The following FREM1 variants were observed in gnomAD, a reference collection of about 807,000 sequenced individuals.
The protein encoded by FREM1 is FRAS1-related extracellular matrix protein 1.
FREM1 carries 220 observed loss-of-function variants against 210.1 expected under a neutral mutation model. The ratio of observed to expected loss-of-function variants is 1.05; its 90% CI spans 0.94 to 1.17. FREM1 has a LOEUF of 1.17. FREM1 is among the 50% of genes most tolerant of loss of function. The probability of loss-of-function intolerance (pLI) is 0.00; values close to 1 mark genes in which losing one functional copy is unlikely to be tolerated. For synonymous variants in FREM1, 1,189 were observed against 980.2 expected (o/e 1.21, Z -3.98); for missense variants, 3,454 against 2,675.5 (o/e 1.29, Z -6.42).
intron 10 of FREM1, among the ~76,000 whole-genome samples, chr9:14,838,396 A>C (rs1825015967): frequency 6.6e-6 from 1 of 152,220 alleles, no homozygotes; most frequent in African/African-American, 2.4e-5. Flanking sequence ...CAAATTGAGA[A>C]TGTAAACATC....
At chr9:14,820,345 C>T (rs902410732) in intron 13 of FREM1, among the ~76,000 whole-genome samples, 8 of 152,138 alleles carry the variant, frequency 5.3e-5, no homozygotes, top group South Asian at 2.1e-4. Flanking sequence ...TACCAAATCA[C>T]GGGCTCTGAG....
intron 17 of FREM1, 141 bp from the exon 18 acceptor site, chr9:14,806,987 C>A (rs1337006095): frequency 3.8e-6 from 2 of 533,100 alleles, no homozygotes; most frequent in Non-Finnish European, 6.6e-6. Context: ...TGTTCATTTT[C>A]TTTGGCATCA....
chr9:14,779,739 G>A (rs1011834394), intron 24 of FREM1, among the ~76,000 whole-genome samples: 3 of 152,146 alleles, frequency 2.0e-5, no homozygotes, highest in Admixed American at 6.5e-5. Context: ...GAGGGCACGC[G>A]GGCCACAGAC....
intron 23 of FREM1, among the ~76,000 whole-genome samples, chr9:14,786,866 A>G (rs756658109): frequency 2.0e-5 from 3 of 152,210 alleles, no homozygotes; most frequent in Non-Finnish European, 4.4e-5. Flanking sequence ...AGGAAGTAAG[A>G]AGAATGAATT....
chr9:14,842,603 T>C lies in FREM1; in HGVS notation c.1451A>G (p.His484Arg), dbSNP rs770475887. Reference sequence around the variant, plus strand: ...TTTGGTGGAGTCGCTGTCATCATGATGATAGCGAACAACTCCAGCCTGGAG... The same window carrying C: ...TTTGGTGGAGTCGCTGTCATCATGACGATAGCGAACAACTCCAGCCTGGAG... ...ADLQAGVVRY[H>R]HDDSDSTKDF... The change falls in exon 9 of 37, where the codon CAT (histidine) becomes CGT (arginine). Residue 484 changes from histidine (H) to arginine (R), a missense_variant. Coordinates refer to ENST00000380880, the MANE Select transcript of FREM1 (RefSeq NM_001379081.2). The C allele has an allele frequency of 6.2e-7, 1 of 1,613,972 alleles. No individual in the cohort carries two copies. The highest frequency in any genetic ancestry group is 1.1e-5 in the South Asian group (1 of 91,088).
At chr9:14,813,204 A>C (rs558222158) in intron 15 of FREM1, 140 bp from the exon 16 acceptor site, 8 of 880,090 alleles carry the variant, frequency 9.1e-6, no homozygotes, top group Admixed American at 8.6e-5. Context: ...AAATTTGGCC[A>C]AGTAATCTGT....
At chr9:14,769,173 T>C (rs4741429) in intron 27 of FREM1, among the ~76,000 whole-genome samples, 141,996 of 152,226 alleles carry the variant, frequency 0.93, 67,040 homozygotes, top group East Asian at 1. Context: ...ACCCTTTATA[T>C]ACCTTCCAAA....
intron 1 of FREM1, among the ~76,000 whole-genome samples, chr9:14,893,049 G>A (rs1039561022): frequency 2.6e-5 from 4 of 152,154 alleles, no homozygotes; most frequent in Admixed American, 6.5e-5. Context: ...GCCTTCCTTC[G>A]TGTTGCGGCT....
At chr9:14,749,478 T>C (rs773280046) in intron 30 of FREM1, among the ~76,000 whole-genome samples, 1 of 152,120 alleles carries the variant, frequency 6.6e-6, no homozygotes. Context: ...AGATTGAGTA[T>C]GGTACGAACA....
chr9:14,791,386 A>C (rs1851288105), intron 22 of FREM1, among the ~76,000 whole-genome samples: 1 of 152,212 alleles, frequency 6.6e-6, no homozygotes, highest in Non-Finnish European at 1.5e-5. Flanking sequence ...CCATTAAAGC[A>C]TCTAATTTTG....
At chr9:14,889,613 C>T (rs1434187241) in intron 1 of FREM1, among the ~76,000 whole-genome samples, 1 of 152,158 alleles carries the variant, frequency 6.6e-6, no homozygotes, top group East Asian at 1.9e-4. Flanking sequence ...ATGCTTATTC[C>T]AGAAATATTC....
chr9:14,768,072 C>T (rs987010240), intron 27 of FREM1, among the ~76,000 whole-genome samples: 1 of 152,016 alleles, frequency 6.6e-6, no homozygotes. Flanking sequence ...AAATCATCTT[C>T]CAAAAGCAAT....
intron 28 of FREM1, among the ~76,000 whole-genome samples, chr9:14,758,320 G>T (rs986565631): frequency 6.6e-6 from 1 of 152,268 alleles, no homozygotes; most frequent in South Asian, 2.1e-4. Context: ...TTTCTACCTG[G>T]CAAGGTGAAT....
At chr9:14,847,043 G>C (rs1826769492) in intron 7 of FREM1, among the ~76,000 whole-genome samples, 1 of 152,208 alleles carries the variant, frequency 6.6e-6, no homozygotes, top group South Asian at 2.1e-4. Context: ...GCTAAGAGGG[G>C]CCAGATAACA....
chr9:14,864,040 C>T (rs1057002166), intron 2 of FREM1, 137 bp from the exon 3 acceptor site: 22 of 630,012 alleles, frequency 3.5e-5, no homozygotes, highest in East Asian at 3.1e-4. Flanking sequence ...TGTGTCTTCA[C>T]CACCACCACC....
At chr9:14,898,870 T>C (rs978575709) in intron 1 of FREM1, among the ~76,000 whole-genome samples, 1 of 152,130 alleles carries the variant, frequency 6.6e-6, no homozygotes, top group Admixed American at 6.5e-5. Flanking sequence ...ACATTAATAA[T>C]AGTGGAAAGT....
chr9:14,861,564 T>G (rs1448146209), intron 3 of FREM1, among the ~76,000 whole-genome samples: 1 of 145,006 alleles, frequency 6.9e-6, no homozygotes, highest in African/African-American at 2.6e-5. Flanking sequence ...TGGAGTGCAG[T>G]GCTGTAATCT....
intron 15 of FREM1, 109 bp from the exon 16 acceptor site, chr9:14,813,173 A>C (rs972584146): frequency 8.5e-7 from 1 of 1,174,912 alleles, no homozygotes; most frequent in African/African-American, 1.5e-5. Context: ...CATCTTACAG[A>C]CACATGAAAC....
intron 25 of FREM1, chr9:14,774,110 C>G: frequency 1.9e-6 from 1 of 518,992 alleles, no homozygotes; most frequent in South Asian, 1.4e-5. Flanking sequence ...AGTGCATTAT[C>G]ATTTCTTTGC....
Sources: gnomAD v4.1 joint callset for allele counts (sites outside exome capture counted in the v4.1 genomes callset) on GRCh38, gnomAD v4.1.1 for gene constraint, MANE v1.5 for transcripts, NCBI Gene and HGNC (gene_info 2026-07-23, HGNC 2026-07-21) for gene names.